The following BCAS3 variants were observed in gnomAD, a reference collection of about 807,000 sequenced individuals.
BCAS3 encodes the protein BCAS3 microtubule associated cell migration factor.
Under a neutral mutation model 116.1 loss-of-function variants are expected in BCAS3, and 53 were observed. The ratio of observed to expected loss-of-function variants is 0.46; its 90% confidence interval spans 0.37 to 0.57. The LOEUF is 0.57. BCAS3 is among the 20% of genes least tolerant of loss of function. The pLI, the probability that BCAS3 is intolerant of heterozygous loss-of-function variation, is 0.00. For missense variants in BCAS3, 917 were observed against 1,165.4 expected, an observed-to-expected ratio of 0.79 and a Z score of 3.10; for synonymous variants, 391 against 408.2, an observed-to-expected ratio of 0.96 and a Z score of 0.51.
intron 5 of BCAS3, among the ~76,000 whole-genome samples, chr17:60,729,065 A>G (rs995951586): frequency 6.6e-6 from 1 of 152,232 alleles, no homozygotes; most frequent in Non-Finnish European, 1.5e-5. Flanking sequence ...AACTTCATAT[A>G]AACAGGGGCA....
At chr17:60,889,593 A>C (rs759857304) in intron 9 of BCAS3, 102 bp from the exon 10 acceptor site, 3 of 948,624 alleles carry the variant, frequency 3.2e-6, no homozygotes, top group Non-Finnish European at 3.3e-6. Flanking sequence ...ACTTGAAAAA[A>C]TATAAGCATT....
chr17:60,773,316 G>A (rs1033236221), intron 6 of BCAS3, among the ~76,000 whole-genome samples: 4 of 132,192 alleles, frequency 3.0e-5, no homozygotes, highest in African/African-American at 1.2e-4. Context: ...TTTTGGGACA[G>A]GGTCTCACTC....
rs928489896 is a variant in BCAS3, at chr17:61,239,090, C to T, written c.2426-129237C>T. On this transcript the variant is annotated intron_variant, in intron 22 of 23. Transcript: ENST00000407086. This position sits in a 1 kb window ranked among gnomAD's most constrained non-coding sequence, Gnocchi z 4.2. Reference sequence around the variant, plus strand: ...TTGAGCCAGTTTTTCCTAGGTGTGCCAGGTAGGTTGGCATTCACAGTTCTC... The same window carrying T: ...TTGAGCCAGTTTTTCCTAGGTGTGCTAGGTAGGTTGGCATTCACAGTTCTC... Among the ~76,000 whole-genome samples, 1 of 152,000 alleles carries T rather than the reference C, an allele frequency of 6.6e-6. No individual in the cohort carries two copies.
intron 14 of BCAS3, among the ~76,000 whole-genome samples, chr17:60,958,890 A>G (rs914437716): frequency 1.3e-5 from 2 of 152,264 alleles, no homozygotes; most frequent in African/African-American, 4.8e-5. Context: ...GTGGAGAAAG[A>G]TTAGTCTTTT....
At position 61,145,459 on chromosome 17, in the gene BCAS3, T is replaced by C. The variant is rs951553677; in HGVS notation, c.2425+60895T>C. On this transcript the variant is annotated intron_variant, in intron 22 of 23. Coordinates refer to ENST00000407086, the MANE Select transcript of BCAS3 (RefSeq NM_017679.5). The surrounding 1 kb of genome is among the most constrained non-coding windows in gnomAD (Gnocchi z 5.0). ...GGGAGTGGGGGCTGGGGGAGGACCA[T>C]TGGGAGAATGTTCTGAGGAGAAGAG... Among the ~76,000 whole-genome samples the C allele has an allele frequency of 1.6e-4, 24 of 152,028 alleles. No homozygotes were observed. Among genetic ancestry groups the C allele is most frequent in the South Asian group, 6.2e-4 (3 of 4,814 alleles).
chr17:60,709,034 T>A (rs2037530686), intron 4 of BCAS3, among the ~76,000 whole-genome samples, 185 bp from the exon 5 acceptor site: 1 of 152,104 alleles, frequency 6.6e-6, no homozygotes, highest in Non-Finnish European at 1.5e-5. Flanking sequence ...GGCCAAGGAA[T>A]GACAGATATA....
intron 7 of BCAS3, among the ~76,000 whole-genome samples, chr17:60,856,959 A>C (rs1309859465): frequency 6.6e-6 from 1 of 152,212 alleles, no homozygotes; most frequent in Non-Finnish European, 1.5e-5. Flanking sequence ...GTTGTAATAT[A>C]TAAAAATGAG....
intron 22 of BCAS3, among the ~76,000 whole-genome samples, chr17:61,201,177 A>G (rs981212514): frequency 6.6e-6 from 1 of 152,256 alleles, no homozygotes; most frequent in African/African-American, 2.4e-5. Flanking sequence ...AATGCAGACT[A>G]CCTGGCATTC....
rs112280067 is a variant in BCAS3 at position 60,694,647 on chromosome 17, A to ATTT, written c.214+4900_214+4902dup. 2.2e-3 allele frequency among the ~76,000 whole-genome samples: 311 copies of ATTT among 142,624 alleles called. 2 individuals are homozygous for ATTT. Among genetic ancestry groups the ATTT allele is most frequent in the African/African-American group, 7.4e-3 (289 of 39,240 alleles). 93.6% of individuals were successfully genotyped at this position (142,624 alleles called of 152,430 possible). A position where few individuals can be genotyped will look rare whatever the true frequency, so the allele number is the denominator to read the frequency against. On this transcript the variant is annotated intron_variant, in intron 4 of 23. Coordinates refer to ENST00000407086, the MANE Select transcript of BCAS3 (RefSeq NM_017679.5). ...GCGTGAGCCACCATGCATGGTCTTA[A>ATTT]TTTTTTTTTTTTTTTTGGTAGAGAT...
rs929693601 is a variant in BCAS3, at chr17:61,356,627, C to T, written c.2426-11700C>T. ...CATGAAAAGGTGTCTCCTAGGAAGC[C>T]GGGCCTGTTTATCCAGAGGTTAGTT... On this transcript the variant is annotated intron_variant, in intron 22 of 23. Coordinates refer to ENST00000407086, the MANE Select transcript of BCAS3 (RefSeq NM_017679.5). This position sits in a 1 kb window ranked among gnomAD's most constrained non-coding sequence, Gnocchi z 5.4. Among the ~76,000 whole-genome samples the T allele has an allele frequency of 2.0e-5, 3 of 152,148 alleles. No individual in the cohort carries two copies. The highest frequency in any genetic ancestry group is 2.9e-5 in the Non-Finnish European group (2 of 68,044).
Position 61,126,972 on chromosome 17 carries a change from C to T in BCAS3, c.2425+42408C>T, listed in dbSNP as rs2076077830. On this transcript the variant is annotated intron_variant, in intron 22 of 23. Transcript: ENST00000407086. This position sits in a 1 kb window ranked among gnomAD's most constrained non-coding sequence, Gnocchi z 4.6. ...GTAGTAGAACGCCCAAGGTTATACACCCTTCGTCACAGGCACTTAAGTTTT... is the reference window on the plus strand; with the variant it reads ...GTAGTAGAACGCCCAAGGTTATACATCCTTCGTCACAGGCACTTAAGTTTT... Among the ~76,000 whole-genome samples the T allele has an allele frequency of 6.6e-6, 1 of 152,060 alleles. No homozygotes were observed. Among genetic ancestry groups the T allele is most frequent in the African/African-American group, 2.4e-5 (1 of 41,394 alleles).
chr17:60,740,204 G>A (rs897874638), intron 5 of BCAS3, among the ~76,000 whole-genome samples: 1 of 151,990 alleles, frequency 6.6e-6, no homozygotes, highest in South Asian at 2.1e-4. Context: ...TTGTTAAAAG[G>A]AAGATATGGT....
Position 61,281,703 on chromosome 17 carries a change from T to C in BCAS3, c.2426-86624T>C, listed in dbSNP as rs578149934. On this transcript the variant is annotated intron_variant, in intron 22 of 23. Transcript: ENST00000407086. This position sits in a 1 kb window ranked among gnomAD's most constrained non-coding sequence, Gnocchi z 4.2. ...TATTGATTTGGAGGAGCTTTCTATA[T>C]ACTAAGCAAATTAGCACTCTATCAT... 6.6e-6 allele frequency among the ~76,000 whole-genome samples: 1 copy of C among 152,244 alleles called. No individual in the cohort carries two copies. Among genetic ancestry groups the C allele is most frequent in the East Asian group, 1.9e-4 (1 of 5,192 alleles).
chr17:60,770,458 C>T lies in BCAS3; in HGVS notation c.403+23179C>T, dbSNP rs1317765901. 6.5e-4 allele frequency among the ~76,000 whole-genome samples: 73 copies of T among 111,470 alleles called. 2 individuals are homozygous for T. The highest frequency in any genetic ancestry group is 2.3e-3 in the African/African-American group (72 of 31,240). The allele number at this position is 111,470 out of a possible 152,430, so 73.1% of individuals were successfully genotyped here. A position where few individuals can be genotyped will look rare whatever the true frequency, so the allele number is the denominator to read the frequency against. ...TTTTTGAGACAGAGTCTTGCCTTGT[C>T]ACCAGGCTGGAGTGCAGTGGCGTGA... On this transcript the variant is annotated intron_variant, in intron 6 of 23. Transcript: ENST00000407086.
intron 22 of BCAS3, among the ~76,000 whole-genome samples, chr17:61,287,164 C>T (rs914242753): frequency 6.6e-6 from 1 of 151,470 alleles, no homozygotes. Flanking sequence ...AGGAGAATGG[C>T]GTGAACCCGG....
At chr17:60,913,742 TGTA>T (rs2058639544) in intron 12 of BCAS3, among the ~76,000 whole-genome samples, 3 of 152,148 alleles carry the variant, frequency 2.0e-5, no homozygotes, top group Non-Finnish European at 2.9e-5. Flanking sequence ...TGTTAACAAT[TGTA>T]GTATATAAAA....
At chr17:61,331,267 C>T (rs2056266341) in intron 22 of BCAS3, among the ~76,000 whole-genome samples, 1 of 152,050 alleles carries the variant, frequency 6.6e-6, no homozygotes. Flanking sequence ...TCCTGCTGAT[C>T]TTCAGAGTTT....
At position 61,004,521 on chromosome 17, in the gene BCAS3, G is replaced by A. The variant is rs771144838; in HGVS notation, c.1487-11230G>A. ...GAATAACAGACATGAATAGTCTTGA[G>A]GTTGAAATCTGAGCAGGAACTAGAA... On this transcript the variant is annotated intron_variant, in intron 15 of 23. Transcript: ENST00000407086. The surrounding 1 kb of genome is among the most constrained non-coding windows in gnomAD (Gnocchi z 4.8). 6.6e-6 allele frequency among the ~76,000 whole-genome samples: 1 copy of A among 152,022 alleles called. No homozygotes were observed. The highest frequency in any genetic ancestry group is 3.2e-3 in the Middle Eastern group (1 of 316).
At chr17:61,086,609 C>T (rs913647857) in intron 22 of BCAS3, 5 of 842,054 alleles carry the variant, frequency 5.9e-6, no homozygotes, top group African/African-American at 3.7e-5. Context: ...GTATGAGTTT[C>T]GATGGCATTG....
Sources: allele counts gnomAD v4.1 joint callset (sites outside exome capture counted in the v4.1 genomes callset), GRCh38; gene constraint gnomAD v4.1.1; non-coding constraint Gnocchi (gnomAD v3.1); transcripts MANE v1.5; gene names NCBI Gene and HGNC (gene_info 2026-07-23, HGNC 2026-07-21).